PLCG2: variants seen among roughly 807,000 people sequenced by gnomAD.
PLCG2 encodes the protein phospholipase C gamma 2, also known as 1-phosphatidylinositol 4,5-bisphosphate phosphodiesterase gamma-2.
A neutral mutation model predicts 175.6 loss-of-function variants in PLCG2; 69 were observed. The ratio of observed to expected loss-of-function variants is 0.39; its 90% confidence interval spans 0.32 to 0.48. PLCG2 has a LOEUF of 0.48. Among genes scored for constraint, PLCG2 ranks in the 20% least tolerant of loss-of-function variants. The probability of loss-of-function intolerance (pLI) is 0.91; values close to 1 mark genes in which losing one functional copy is unlikely to be tolerated. For missense variants in PLCG2, 1,798 were observed against 1,650.9 expected (o/e 1.09, Z -1.54); for synonymous variants, 827 against 624.0 (o/e 1.33, Z -4.85).
chr16:81,895,205 G>T (rs932468184), intron 12 of PLCG2, among the ~76,000 whole-genome samples: 2 of 152,146 alleles, frequency 1.3e-5, no homozygotes, highest in Non-Finnish European at 2.9e-5. Flanking sequence ...GGCAGAAAAG[G>T]CAGTCAAGGT....
chr16:81,804,768 C>G (rs902508849), intron 2 of PLCG2, among the ~76,000 whole-genome samples: 7 of 152,170 alleles, frequency 4.6e-5, no homozygotes, highest in Non-Finnish European at 1.5e-5. Context: ...CCTCTGCCTC[C>G]TCTTTGGCAA....
At position 81,870,950 on chromosome 16, in the gene PLCG2, G is replaced by A; in HGVS notation, c.648+15G>A. The A allele has an allele frequency of 7.2e-7, 1 of 1,382,820 alleles. No individual in the cohort carries two copies. The highest frequency in any genetic ancestry group is 1.0e-6 in the Non-Finnish European group (1 of 980,144). 85.7% of individuals were successfully genotyped at this position (1,382,820 alleles called of 1,614,324 possible). A position where few individuals can be genotyped will look rare whatever the true frequency, so the allele number is the denominator to read the frequency against. ...AGCAAAAATCGGTAAGATGATTCTT[G>A]AGCAAGTGATCAAGTGATGTTTCTG... On this transcript the variant is annotated intron_variant, in intron 7 of 32. Coordinates refer to ENST00000564138, the MANE Select transcript of PLCG2 (RefSeq NM_002661.5).
intron 2 of PLCG2, among the ~76,000 whole-genome samples, chr16:81,853,233 A>T (rs1265082515): frequency 6.6e-6 from 1 of 151,988 alleles, no homozygotes; most frequent in African/African-American, 2.4e-5. Context: ...CCTGAGGCTC[A>T]GGCAGGATAA....
At position 81,867,621 on chromosome 16, in the gene PLCG2, G is replaced by C. The variant is rs533147507; in HGVS notation, c.480-1593G>C. ...CTGTCACCTGATAAGCACTATTGAAGTTTCAGCTTTTGTTACTATTGTTAC... is the reference window on the plus strand; with the variant it reads ...CTGTCACCTGATAAGCACTATTGAACTTTCAGCTTTTGTTACTATTGTTAC... On this transcript the variant is annotated intron_variant, in intron 5 of 32. Coordinates refer to ENST00000564138, the MANE Select transcript of PLCG2 (RefSeq NM_002661.5). Among the ~76,000 whole-genome samples, 50 of 152,238 alleles carry C rather than the reference G, an allele frequency of 3.3e-4. 1 individual carries two copies. Among genetic ancestry groups the C allele is most frequent in the African/African-American group, 1.1e-3 (46 of 41,536 alleles).
At chr16:81,784,183 A>T (rs887071331) in intron 1 of PLCG2, among the ~76,000 whole-genome samples, 2 of 152,148 alleles carry the variant, frequency 1.3e-5, no homozygotes, top group Admixed American at 6.5e-5. Context: ...TGTGCAGTAG[A>T]GGGAGGTGGG....
chr16:81,809,042 G>A (rs1450545130), intron 2 of PLCG2, among the ~76,000 whole-genome samples: 1 of 152,174 alleles, frequency 6.6e-6, no homozygotes, highest in African/African-American at 2.4e-5. Context: ...GAAGGAGTGT[G>A]GGTGTGTGTT....
intron 5 of PLCG2, among the ~76,000 whole-genome samples, chr16:81,867,767 G>A (rs970144361): frequency 6.6e-6 from 1 of 151,740 alleles, no homozygotes; most frequent in Non-Finnish European, 1.5e-5. Flanking sequence ...GCGTGATCTC[G>A]GCTCACTGCA....
At chr16:81,931,280 A>G (rs1910491318) in intron 24 of PLCG2, 2 of 419,992 alleles carry the variant, frequency 4.8e-6, no homozygotes, top group South Asian at 1.1e-4. Flanking sequence ...GACCTGACAC[A>G]TCTTTTCGGA....
At chr16:81,770,818 C>T (rs989782102) in intron 2 of PLCG2, among the ~76,000 whole-genome samples, 6 of 152,112 alleles carry the variant, frequency 3.9e-5, no homozygotes, top group South Asian at 2.1e-4. Context: ...CAGCACTTTG[C>T]GGGGCCGAGG....
intron 9 of PLCG2, among the ~76,000 whole-genome samples, chr16:81,884,181 T>A (rs933233784): frequency 6.6e-6 from 1 of 152,100 alleles, no homozygotes; most frequent in African/African-American, 2.4e-5. Flanking sequence ...TGAAACCCCA[T>A]CTCTACTAAA....
intron 7 of PLCG2, among the ~76,000 whole-genome samples, chr16:81,877,449 C>T (rs1450650394): frequency 2.0e-5 from 3 of 152,212 alleles, no homozygotes; most frequent in Admixed American, 6.5e-5. Flanking sequence ...AGCGAGACTC[C>T]GTCTCAAACA....
chr16:81,796,265 G>C (rs943935607), intron 2 of PLCG2, among the ~76,000 whole-genome samples: 48 of 152,346 alleles, frequency 3.2e-4, no homozygotes, highest in African/African-American at 1.1e-3. Flanking sequence ...AGCACAGACT[G>C]TCTCCAAACC....
intron 2 of PLCG2, among the ~76,000 whole-genome samples, chr16:81,799,966 G>C (rs143836889): frequency 0.016 from 2,444 of 152,226 alleles, 66 homozygotes; most frequent in African/African-American, 0.056. Flanking sequence ...CAAGAGCAAG[G>C]GATCCAGGGT....
Position 81,958,040 on chromosome 16 carries a change from G to A in PLCG2, c.*42G>A. On this transcript the variant is annotated 3_prime_UTR_variant, in exon 33 of 33. Coordinates refer to ENST00000564138, the MANE Select transcript of PLCG2 (RefSeq NM_002661.5). ...GTAAGGGTATTGTGTGTGTGCGCAT[G>A]TGTGTTTGCATGTAGGAGAACGTGC... 3 of 1,426,854 alleles carry A rather than the reference G, an allele frequency of 2.1e-6. No homozygotes were observed. The highest frequency in any genetic ancestry group is 3.0e-6 in the Non-Finnish European group (3 of 1,009,168). 88.4% of individuals were successfully genotyped at this position (1,426,854 alleles called of 1,614,324 possible). A position where few individuals can be genotyped will look rare whatever the true frequency, so the allele number is the denominator to read the frequency against.
At chr16:81,932,841 G>T (rs1261842957) in intron 25 of PLCG2, among the ~76,000 whole-genome samples, 2 of 152,196 alleles carry the variant, frequency 1.3e-5, no homozygotes, top group Non-Finnish European at 1.5e-5. Flanking sequence ...CACCAGCCAT[G>T]GGGGAGGAAC....
intron 2 of PLCG2, among the ~76,000 whole-genome samples, chr16:81,830,961 G>A (rs1905236701): frequency 6.6e-6 from 1 of 152,062 alleles, no homozygotes; most frequent in Non-Finnish European, 1.5e-5. Flanking sequence ...GTCCCAGCTG[G>A]TGACAACCTT....
chr16:81,935,521 A>C, intron 26 of PLCG2: 1 of 985,114 alleles, frequency 1.0e-6, no homozygotes, highest in Non-Finnish European at 1.2e-6. Flanking sequence ...AGCTGCTTCC[A>C]TATCTTTCAT....
At position 81,931,576 on chromosome 16, in the gene PLCG2, G is replaced by T. The variant is rs201601618; in HGVS notation, c.2661G>T (p.Glu887Asp). The change falls in exon 25 of 33, where the codon GAG becomes GAT. Residue 887 changes from glutamate (E) to aspartate (D), a missense_variant. Glu to Asp is a conservative substitution (Grantham distance 45). Coordinates refer to ENST00000564138, the MANE Select transcript of PLCG2 (RefSeq NM_002661.5). ...AGCAGCAGGGCGATCCTCCGGTGGA[G>T]TTTGCCACAGACAGGGTGGAGGAGC... The part of the protein sequence containing the change: ...EPKQQGDPPV[E>D]FATDRVEELF... 4.3e-6 allele frequency: 7 copies of T among 1,614,134 alleles called. No homozygotes were observed. Among genetic ancestry groups the T allele is most frequent in the Non-Finnish European group, 4.2e-6 (5 of 1,179,994 alleles).
chr16:81,827,082 C>A (rs1332763437), intron 2 of PLCG2, among the ~76,000 whole-genome samples: 3 of 152,154 alleles, frequency 2.0e-5, no homozygotes, highest in African/African-American at 4.8e-5. Flanking sequence ...TGGCCTAGGG[C>A]TGCATGTCCT....
Sources: allele counts gnomAD v4.1 joint callset (sites outside exome capture counted in the v4.1 genomes callset), GRCh38; gene constraint gnomAD v4.1.1; transcripts MANE v1.5; gene names NCBI Gene and HGNC (gene_info 2026-07-23, HGNC 2026-07-21).